The following GALNT2 variants were observed in gnomAD, a reference collection of about 807,000 sequenced individuals.
GALNT2 encodes the protein UDP-GalNAc:polypeptide N-acetylgalactosaminyltransferase 2.
GALNT2 carries 31 observed loss-of-function variants against 81.4 expected under a neutral mutation model. The observed-to-expected ratio is 0.38, with a 90% confidence interval of 0.29 to 0.51. The LOEUF is 0.51. Among genes scored for constraint, GALNT2 ranks in the 20% least tolerant of loss-of-function variants. GALNT2 has a pLI of 0.87. For missense variants in GALNT2, 629 were observed against 765.7 expected, an observed-to-expected ratio of 0.82 and a Z score of 2.11; for synonymous variants, 303 against 287.4, an observed-to-expected ratio of 1.05 and a Z score of -0.55.
chr1:230,177,895 T>C lies in GALNT2; in HGVS notation c.127-323T>C, dbSNP rs543182579. On this transcript the variant is annotated intron_variant, in intron 1 of 15. Transcript: ENST00000366672. ...TATTTCATTTAATCCACTTTCCCTA[T>C]CTCGCTTCCCCACCCTCACAAATCC... 5.3e-5 allele frequency among the ~76,000 whole-genome samples: 8 copies of C among 152,338 alleles called. No individual in the cohort carries two copies. The South Asian group carries it at 1.7e-3, about 32-fold the overall frequency.
chr1:230,212,899 T>C (rs932683097), intron 3 of GALNT2, among the ~76,000 whole-genome samples: 7 of 152,196 alleles, frequency 4.6e-5, no homozygotes, highest in African/African-American at 9.7e-5. Context: ...AAAGAATGCA[T>C]TGAGACTGGT....
intron 1 of GALNT2, among the ~76,000 whole-genome samples, chr1:230,164,379 A>G (rs1229560696): frequency 6.6e-6 from 1 of 152,216 alleles, no homozygotes; most frequent in Non-Finnish European, 1.5e-5. Flanking sequence ...ATAAGCGCAC[A>G]AGATCACTTT....
intron 14 of GALNT2, 62 bp from the exon 15 acceptor site, chr1:230,274,383 C>T: frequency 6.3e-7 from 1 of 1,580,530 alleles, no homozygotes; most frequent in Non-Finnish European, 8.6e-7. Flanking sequence ...TCATCGATGC[C>T]CCTTCTTTCC....
At position 230,174,129 on chromosome 1, in the gene GALNT2, G is replaced by A. The variant is rs191698609; in HGVS notation, c.127-4089G>A. Among the ~76,000 whole-genome samples, 74 of 152,294 alleles carry A rather than the reference G, an allele frequency of 4.9e-4. 1 individual carries two copies. The highest frequency in any genetic ancestry group is 6.8e-3 in the Middle Eastern group (2 of 292). Reference sequence around the variant, plus strand: ...AAGAACACTGGGCAGGCAGGGACCCGCTGTGCAAGAGGCATTGAGCCCAGC... The same window carrying A: ...AAGAACACTGGGCAGGCAGGGACCCACTGTGCAAGAGGCATTGAGCCCAGC... On this transcript the variant is annotated intron_variant, in intron 1 of 15. Transcript: ENST00000366672.
chr1:230,182,733 A>G (rs566800398), intron 2 of GALNT2, among the ~76,000 whole-genome samples: 5 of 152,324 alleles, frequency 3.3e-5, no homozygotes, highest in Admixed American at 6.5e-5. Flanking sequence ...GTCTATAGAT[A>G]TCAATTATAT....
At chr1:230,063,392 T>G (rs901346940), upstream of GALNT2, among the ~76,000 whole-genome samples, 4 of 152,176 alleles carry the variant, frequency 2.6e-5, no homozygotes, top group Admixed American at 1.3e-4. Flanking sequence ...TTGTGTTTTG[T>G]TTTTTATTTC....
chr1:230,114,420 C>T (rs989265834), intron 1 of GALNT2, among the ~76,000 whole-genome samples: 1 of 152,174 alleles, frequency 6.6e-6, no homozygotes, highest in African/African-American at 2.4e-5. Context: ...CAGTGAGGCA[C>T]TTGAGGTTTG....
At position 230,265,298 on chromosome 1, in the gene GALNT2, C is replaced by T. The variant is rs145186148; in HGVS notation, c.1371C>T (p.Leu457=). The T allele has an allele frequency of 2.6e-5, 42 of 1,614,046 alleles. No individual in the cohort carries two copies. The East Asian group carries it at 2.7e-4, about 10-fold the overall frequency. ...FGALQQGTNC[L]DTLGHFADGV... is the part of the protein sequence containing the mutation. The stretch of plus-strand genomic sequence containing the variant: ...CCTTGCAGCAGGGAACTAACTGCCT[C>T]GACACTTTGGGACACTTTGCTGATG... The change falls in exon 14 of 16, where the codon CTC becomes CTT. Residue 457 remains leucine (L), a synonymous_variant. Transcript: ENST00000366672.
At chr1:230,113,935 A>C (rs1199731552) in intron 1 of GALNT2, among the ~76,000 whole-genome samples, 1 of 151,816 alleles carries the variant, frequency 6.6e-6, no homozygotes, top group Non-Finnish European at 1.5e-5. Flanking sequence ...TAACGTCAGC[A>C]TGTGCTGAGC....
intron 1 of GALNT2, among the ~76,000 whole-genome samples, chr1:230,136,477 G>A (rs964663563): frequency 3.3e-5 from 5 of 152,092 alleles, no homozygotes; most frequent in South Asian, 2.1e-4. Context: ...CCTGTCTGCC[G>A]CGCTTTCTCT....
intron 1 of GALNT2, among the ~76,000 whole-genome samples, chr1:230,127,124 A>C (rs1239179075): frequency 6.6e-6 from 1 of 152,110 alleles, no homozygotes; most frequent in Admixed American, 6.5e-5. Context: ...TTGCTGCCTG[A>C]GGCAGGGGCA....
chr1:230,173,957 C>T (rs1252579535), intron 1 of GALNT2, among the ~76,000 whole-genome samples: 3 of 151,960 alleles, frequency 2.0e-5, no homozygotes, highest in South Asian at 2.1e-4. Context: ...AGGCCACCAG[C>T]GCACTTGGTA....
intron 14 of GALNT2, chr1:230,268,234 A>G (rs1666082978): frequency 2.0e-5 from 3 of 152,204 alleles, no homozygotes; most frequent in African/African-American, 7.2e-5. Context: ...GGTCGATCAC[A>G]CAGCATTAAT....
At chr1:230,214,194 C>A (rs922992008) in intron 3 of GALNT2, among the ~76,000 whole-genome samples, 2 of 151,474 alleles carry the variant, frequency 1.3e-5, no homozygotes, top group African/African-American at 4.9e-5. Flanking sequence ...CTCACTGCAA[C>A]CTCCGCCTCC....
Position 230,279,069 on chromosome 1 carries a change from G to C in GALNT2, c.1561-234G>C, listed in dbSNP as rs892710966. Among the ~76,000 whole-genome samples, 1 of 152,206 alleles carries C rather than the reference G, an allele frequency of 6.6e-6. No individual in the cohort carries two copies. Among genetic ancestry groups the C allele is most frequent in the African/African-American group, 2.4e-5 (1 of 41,454 alleles). On this transcript the variant is annotated intron_variant, in intron 15 of 15. Transcript: ENST00000366672. This position sits in a 1 kb window ranked among gnomAD's most constrained non-coding sequence, Gnocchi z 4.6. ...CCACAGAAAGTTTGGGGCAGGAGAC[G>C]TTCTGAGTTTTGATCCAAGGCAGAG...
intron 8 of GALNT2, among the ~76,000 whole-genome samples, chr1:230,248,660 A>G (rs986274007): frequency 6.6e-6 from 1 of 152,096 alleles, no homozygotes; most frequent in Non-Finnish European, 1.5e-5. Flanking sequence ...TTTTCCCTTA[A>G]AGTTTTCATA....
rs763087504 is a variant in GALNT2 at position 230,067,320 on chromosome 1, C to T, written c.40C>T (p.Leu14=). 15 of 1,389,352 alleles carry T rather than the reference C, an allele frequency of 1.1e-5. No individual in the cohort carries two copies. The highest frequency in any genetic ancestry group is 2.0e-4 in the Middle Eastern group (1 of 4,906). The allele number at this position is 1,389,352 out of a possible 1,614,324, so 86.1% of individuals were successfully genotyped here. Reference sequence around the variant, plus strand: ...GCGGATGCTGCTCTGCTTCGCCTTCCTGTGGGTGCTGGGCATCGCCTACTA... The same window carrying T: ...GCGGATGCTGCTCTGCTTCGCCTTCTTGTGGGTGCTGGGCATCGCCTACTA... The part of the protein sequence containing the change: ...RSRMLLCFAF[L]WVLGIAYYMY... Residue 14 remains leucine (L), a synonymous_variant, in exon 1 of 16, where the codon CTG becomes TTG. Transcript: ENST00000366672.
rs146439142 is a variant in GALNT2 at position 230,275,243 on chromosome 1, C to T, written c.1560+679C>T. On this transcript the variant is annotated intron_variant, in intron 15 of 15. Transcript: ENST00000366672. The surrounding 1 kb of genome is among the most constrained non-coding windows in gnomAD (Gnocchi z 5.5). ...GCCACATATATGCATATGTAAACAC[C>T]GCATATATACATATATACACACCAC... Among the ~76,000 whole-genome samples the T allele has an allele frequency of 8.4e-4, 126 of 150,318 alleles. No individual in the cohort carries two copies. The highest frequency in any genetic ancestry group is 2.9e-3 in the African/African-American group (119 of 40,858).
intron 1 of GALNT2, among the ~76,000 whole-genome samples, chr1:230,139,142 C>G (rs1222330317): frequency 6.6e-6 from 1 of 152,220 alleles, no homozygotes; most frequent in Non-Finnish European, 1.5e-5. Flanking sequence ...CTGCTACTTC[C>G]TGTTGACCAT....
Sources: gnomAD v4.1 joint callset for allele counts (sites outside exome capture counted in the v4.1 genomes callset) on GRCh38, gnomAD v4.1.1 for gene constraint, Gnocchi (gnomAD v3.1) non-coding constraint, MANE v1.5 for transcripts, NCBI Gene and HGNC (gene_info 2026-07-23, HGNC 2026-07-21) for gene names.